The following SCNN1B variants were observed in gnomAD, a reference collection of about 807,000 sequenced individuals.
SCNN1B encodes sodium channel epithelial 1 subunit beta, also known as epithelial sodium channel subunit beta.
A neutral mutation model predicts 65.3 loss-of-function variants in SCNN1B; 46 were observed. That is an observed-to-expected ratio of 0.70 (90% CI 0.56 to 0.90). The LOEUF (loss-of-function observed/expected upper bound fraction) is 0.90, where lower values mean the gene tolerates loss of function less well. SCNN1B is among the 40% of genes least tolerant of loss of function. SCNN1B has a pLI of 0.00. For synonymous variants in SCNN1B, 349 were observed against 330.6 expected, an observed-to-expected ratio of 1.06 and a Z score of -0.60; for missense variants, 751 against 830.5, an observed-to-expected ratio of 0.90 and a Z score of 1.18.
In SCNN1B at chr16:23,380,475, T is replaced by A; in HGVS notation, c.1597T>A (p.Ser533Thr). ...CCAGTTTGGCTTCTGGATGGGGGGC[T>A]CTGTGCTGTGCCTCATCGAGTTTGG... ...GGQFGFWMGGSVLCLIEFGEI... is the reference protein window; with the variant it reads ...GGQFGFWMGGTVLCLIEFGEI... The change falls in exon 13 of 13, where the codon TCT becomes ACT. Residue 533 changes from serine to threonine, a missense_variant. Ser to Thr is a moderately conservative substitution (Grantham distance 58). Transcript: ENST00000343070. This position sits in a 1 kb window ranked among gnomAD's most constrained non-coding sequence, Gnocchi z 5.4. 1 of 1,614,230 alleles carries A rather than the reference T, an allele frequency of 6.2e-7. No homozygotes were observed. The highest frequency in any genetic ancestry group is 8.5e-7 in the Non-Finnish European group (1 of 1,180,024).
intron 1 of SCNN1B, among the ~76,000 whole-genome samples, chr16:23,282,164 C>T (rs1960793217): frequency 6.6e-6 from 1 of 152,152 alleles, no homozygotes; most frequent in Non-Finnish European, 1.5e-5. Context: ...ACCCAGATTT[C>T]ACCACTACAC....
At chr16:23,377,143 C>T (rs765891629) in intron 8 of SCNN1B, 22 bp from the exon 9 acceptor site, 31 of 1,610,982 alleles carry the variant, frequency 1.9e-5, no homozygotes, top group East Asian at 6.7e-5. Flanking sequence ...ACCTCTTGGC[C>T]GCCTTTCTGT....
intron 8 of SCNN1B, 145 bp downstream of exon 8, chr16:23,376,000 A>G (rs1018702053): frequency 1.6e-6 from 1 of 635,474 alleles, no homozygotes; most frequent in Non-Finnish European, 2.9e-6. Flanking sequence ...GGTCCCTCCT[A>G]TGATCCCCTC....
rs541576975 is a variant in SCNN1B at position 23,377,553 on chromosome 16, C to T, written c.1404+167C>T. Among the ~76,000 whole-genome samples the T allele has an allele frequency of 1.0e-3, 155 of 151,668 alleles. 1 individual carries two copies. Among genetic ancestry groups the T allele is most frequent in the Non-Finnish European group, 1.8e-3 (120 of 67,842 alleles). On this transcript the variant is annotated intron_variant, in intron 10 of 12. Transcript: ENST00000343070. ...TCCTTCTTTCTCTGCTTTATTCCTT[C>T]CTTCCTTCCTCCTCTCTTTTCCCTT...
chr16:23,377,292 T>G, intron 9 of SCNN1B, 37 bp from the exon 10 acceptor site: 1 of 1,614,152 alleles, frequency 6.2e-7, no homozygotes, highest in South Asian at 1.1e-5. Flanking sequence ...GGGGCATCAC[T>G]GGCAGGGACC....
At chr16:23,360,029 C>A (rs1005509981) in intron 4 of SCNN1B, among the ~76,000 whole-genome samples, 1 of 151,752 alleles carries the variant, frequency 6.6e-6, no homozygotes, top group Non-Finnish European at 1.5e-5. Flanking sequence ...ATAGTGAAAC[C>A]CCATCTCTAC....
Position 23,380,933 on chromosome 16 carries a change from A to C in SCNN1B, c.*132A>C. ...TCCAGGCCAGAGCTTGTGTCCTTCA[A>C]CAGAGAGGCCAGCGGCAACTGGTCC... On this transcript the variant is annotated 3_prime_UTR_variant, in exon 13 of 13. Transcript: ENST00000343070. The surrounding 1 kb of genome is among the most constrained non-coding windows in gnomAD (Gnocchi z 5.4). The C allele has an allele frequency of 1.0e-6, 1 of 988,776 alleles. No homozygotes were observed. The highest frequency in any genetic ancestry group is 1.6e-6 in the Non-Finnish European group (1 of 623,472). The allele number at this position is 988,776 out of a possible 1,614,324, so 61.3% of individuals were successfully genotyped here. A position where few individuals can be genotyped will look rare whatever the true frequency, so the allele number is the denominator to read the frequency against.
intron 2 of SCNN1B, among the ~76,000 whole-genome samples, chr16:23,285,689 A>G (rs1461060081): frequency 6.6e-6 from 1 of 152,124 alleles, no homozygotes; most frequent in Non-Finnish European, 1.5e-5. Context: ...AAATACAATA[A>G]TAGTCTGGGC....
chr16:23,332,498 C>T (rs1008989764), intron 1 of SCNN1B, among the ~76,000 whole-genome samples: 2 of 152,070 alleles, frequency 1.3e-5, no homozygotes, highest in South Asian at 2.1e-4. Context: ...CACCCGGCCT[C>T]GTTTTTTATT....
At chr16:23,360,201 A>AAAATAAAAAAATAAATAAAT (rs1555488434) in intron 4 of SCNN1B, among the ~76,000 whole-genome samples, 1 of 132,752 alleles carries the variant, frequency 7.5e-6, no homozygotes, top group South Asian at 2.8e-4. Context: ...CCATCTCAAA[A>AAAATAAAAAAATAAATAAAT]AAATAAATAA....
At chr16:23,372,550 G>A (rs250573) in intron 7 of SCNN1B, among the ~76,000 whole-genome samples, 48,523 of 149,134 alleles carry the variant, frequency 0.33, 7,995 homozygotes, top group East Asian at 0.48. Context: ...GCTGGAGTGC[G>A]GTGGCGTGAT....
At chr16:23,280,613 A>T (rs1293827225) in intron 1 of SCNN1B, among the ~76,000 whole-genome samples, 1 of 152,208 alleles carries the variant, frequency 6.6e-6, no homozygotes, top group Non-Finnish European at 1.5e-5. Context: ...CAAGTAAATG[A>T]ATAATCAGGA....
At chr16:23,356,830 C>T (rs1962431394) in intron 4 of SCNN1B, among the ~76,000 whole-genome samples, 1 of 152,122 alleles carries the variant, frequency 6.6e-6, no homozygotes, top group Admixed American at 6.5e-5. Context: ...TGGGCCTAAG[C>T]ATCAGGTGTT....
At chr16:23,335,533 C>T (rs1356525440) in intron 1 of SCNN1B, among the ~76,000 whole-genome samples, 1 of 151,746 alleles carries the variant, frequency 6.6e-6, no homozygotes. Flanking sequence ...CTGCAACCTC[C>T]GCATCCCAGG....
chr16:23,327,998 G>A (rs775049794), intron 1 of SCNN1B, among the ~76,000 whole-genome samples: 11 of 152,220 alleles, frequency 7.2e-5, no homozygotes, highest in Non-Finnish European at 1.6e-4. Context: ...AGAGCCAGCA[G>A]TGGAGAAACC....
At chr16:23,334,027 G>A (rs1961884154) in intron 1 of SCNN1B, among the ~76,000 whole-genome samples, 1 of 152,090 alleles carries the variant, frequency 6.6e-6, no homozygotes, top group Non-Finnish European at 1.5e-5. Flanking sequence ...ATGTGGATGG[G>A]AATTACTCAT....
At chr16:23,372,439 G>A (rs919485967) in intron 7 of SCNN1B, among the ~76,000 whole-genome samples, 7 of 151,410 alleles carry the variant, frequency 4.6e-5, no homozygotes, top group Admixed American at 1.3e-4. Context: ...CTGGGAATGA[G>A]GAAATTGGGA....
At chr16:23,368,095 G>T in intron 5 of SCNN1B, 136 bp downstream of exon 5, 1 of 782,126 alleles carries the variant, frequency 1.3e-6, no homozygotes. Context: ...CTGCTACCGA[G>T]GCTCTACTGT....
chr16:23,327,988 A>C (rs1370858240), intron 1 of SCNN1B, among the ~76,000 whole-genome samples: 3 of 152,218 alleles, frequency 2.0e-5, no homozygotes, highest in Non-Finnish European at 4.4e-5. Context: ...ATATCATCCT[A>C]GAGCCAGCAG....
Sources: allele counts gnomAD v4.1 joint callset (sites outside exome capture counted in the v4.1 genomes callset), GRCh38; gene constraint gnomAD v4.1.1; non-coding constraint Gnocchi (gnomAD v3.1); transcripts MANE v1.5; gene names NCBI Gene and HGNC (gene_info 2026-07-23, HGNC 2026-07-21).